TCAIM: variants seen among roughly 807,000 people sequenced by gnomAD.
TCAIM encodes T-cell activation inhibitor, mitochondrial.
Under a neutral mutation model 58.6 loss-of-function variants are expected in TCAIM, and 36 were observed. The observed-to-expected ratio is 0.61, with a 90% CI of 0.47 to 0.81. The LOEUF (loss-of-function observed/expected upper bound fraction) is 0.81. Among genes scored for constraint, TCAIM ranks in the 30% least tolerant of loss-of-function variants. The pLI is 0.00. For synonymous variants in TCAIM, 172 were observed against 193.6 expected (o/e 0.89, Z 0.93); for missense variants, 466 against 579.6 (o/e 0.80, Z 2.01).
At chr3:44,358,517 C>G in intron 3 of TCAIM, 1 of 453,196 alleles carries the variant, frequency 2.2e-6, no homozygotes, top group Admixed American at 4.4e-5. Flanking sequence ...TCATTATTCC[C>G]TGAACAACAC....
intron 6 of TCAIM, 117 bp from the exon 7 acceptor site, chr3:44,396,282 TG>T (rs1352392936): frequency 1.4e-6 from 1 of 726,970 alleles, no homozygotes; most frequent in Non-Finnish European, 2.2e-6. Context: ...AAACATGTTA[TG>T]TGTGTGCTTC....
At chr3:44,394,070 C>T (rs2125652544) in intron 6 of TCAIM, among the ~76,000 whole-genome samples, 1 of 152,216 alleles carries the variant, frequency 6.6e-6, no homozygotes, top group South Asian at 2.1e-4. Context: ...TTACTATTTG[C>T]AATAGCCTGT....
chr3:44,347,738 A>G (rs538185762), intron 1 of TCAIM, among the ~76,000 whole-genome samples: 2 of 152,312 alleles, frequency 1.3e-5, no homozygotes, highest in East Asian at 1.9e-4. Context: ...AACAGGCTTT[A>G]ATCCTTTTAA....
intron 10 of TCAIM, 91 bp downstream of exon 10, chr3:44,401,425 C>T (rs1702020507): frequency 1.0e-5 from 15 of 1,468,498 alleles, no homozygotes; most frequent in African/African-American, 1.4e-5. Flanking sequence ...GACCTGGAAA[C>T]AGTATGAAGC....
intron 5 of TCAIM, among the ~76,000 whole-genome samples, chr3:44,391,909 A>G (rs1281306106): frequency 2.6e-5 from 4 of 152,178 alleles, no homozygotes; most frequent in African/African-American, 9.7e-5. Flanking sequence ...CCCATCAGAT[A>G]TGTCTGTTGA....
At chr3:44,358,781 A>G in intron 3 of TCAIM, 1 of 985,488 alleles carries the variant, frequency 1.0e-6, no homozygotes, top group African/African-American at 1.7e-5. Flanking sequence ...TTCTATTTTC[A>G]TTAACACTGA....
rs1337995718 is a variant in TCAIM at position 44,361,515 on chromosome 3, TC to T, written c.318del (p.Gly107AspfsTer15). ...CGATGGCCAGGAACCTTTTAGTACT[TC>T]CGGTACGTTTTTTATTTCTGGTGTG... ...SSDGQEPFST[S>X]GFRAVKFTLH... On this transcript the variant is annotated frameshift_variant and splice_region_variant, in exon 4 of 11. Coordinates refer to ENST00000342649, the MANE Select transcript of TCAIM (RefSeq NM_173826.4). LOFTEE classifies it high-confidence loss of function. 2 of 1,588,388 alleles carry T rather than the reference TC, an allele frequency of 1.3e-6. No homozygotes were observed. The highest frequency in any genetic ancestry group is 1.7e-6 in the Non-Finnish European group (2 of 1,171,204).
intron 1 of TCAIM, among the ~76,000 whole-genome samples, chr3:44,348,972 C>T (rs922019154): frequency 3.3e-5 from 5 of 152,146 alleles, no homozygotes; most frequent in Admixed American, 6.5e-5. Context: ...AGTCACAGAA[C>T]GAAACTGTAA....
At chr3:44,394,909 AAAAAAAAAAAAAATATATATATAT>A (rs1701900648) in intron 6 of TCAIM, among the ~76,000 whole-genome samples, 4 of 52,324 alleles carry the variant, frequency 7.6e-5, no homozygotes, top group Admixed American at 6.8e-4. Context: ...AAAAAAAAAA[AAAAAAAAAAAAAATATATATATAT>A]ATATATATAT....
rs1185866791 is a variant in TCAIM at position 44,372,058 on chromosome 3, GA to G, written c.572+4352del. On this transcript the variant is annotated intron_variant, in intron 5 of 10. Transcript: ENST00000342649. ...GGAAGGAAGGAAGGAAGGAAGGAAG[GA>G]AGGAAGGAAGGAAGGAAGATACAGT... is the stretch of plus-strand genomic sequence containing the variant. Among the ~76,000 whole-genome samples the G allele has an allele frequency of 6.2e-3, 916 of 148,052 alleles. 9 individuals are homozygous for G. Among genetic ancestry groups the G allele is most frequent in the East Asian group, 0.018 (91 of 5,016 alleles).
chr3:44,372,784 TG>T (rs566985979), intron 5 of TCAIM, among the ~76,000 whole-genome samples: 288 of 152,070 alleles, frequency 1.9e-3, no homozygotes, highest in African/African-American at 6.5e-3. Context: ...TTAGTAGAGA[TG>T]GGGTTTCGCC....
intron 10 of TCAIM, among the ~76,000 whole-genome samples, chr3:44,405,951 CAA>C (rs10579882): frequency 0.027 from 3,076 of 112,992 alleles, 44 homozygotes; most frequent in Non-Finnish European, 0.037. Context: ...GACTCCATCT[CAA>C]AAAAAAAAAA....
intron 10 of TCAIM, among the ~76,000 whole-genome samples, chr3:44,401,539 A>G (rs1361288985): frequency 6.6e-6 from 1 of 152,256 alleles, no homozygotes; most frequent in Non-Finnish European, 1.5e-5. Flanking sequence ...TTCTTAATAT[A>G]AAAGTCAATT....
At chr3:44,378,256 C>G (rs1015443632) in intron 5 of TCAIM, among the ~76,000 whole-genome samples, 1 of 152,086 alleles carries the variant, frequency 6.6e-6, no homozygotes, top group South Asian at 2.1e-4. Context: ...TGGCACATGC[C>G]TGTAATCCCA....
chr3:44,405,217 G>C (rs1413853444), intron 10 of TCAIM, among the ~76,000 whole-genome samples: 4 of 152,114 alleles, frequency 2.6e-5, no homozygotes. Flanking sequence ...CCTAGCAGGG[G>C]CATTCCTCAC....
intron 5 of TCAIM, among the ~76,000 whole-genome samples, chr3:44,389,356 C>CA (rs1383100277): frequency 2.0e-5 from 3 of 152,128 alleles, no homozygotes; most frequent in Admixed American, 6.5e-5. Flanking sequence ...TTTTTAGAAA[C>CA]AAAACACAAA....
intron 6 of TCAIM, among the ~76,000 whole-genome samples, chr3:44,393,984 G>T (rs1701882528): frequency 6.6e-6 from 1 of 152,168 alleles, no homozygotes; most frequent in Non-Finnish European, 1.5e-5. Context: ...AAGGAGTCAG[G>T]TCATTCAGTC....
At chr3:44,386,441 C>T (rs1030343682) in intron 5 of TCAIM, among the ~76,000 whole-genome samples, 19 of 152,164 alleles carry the variant, frequency 1.2e-4, no homozygotes, top group Admixed American at 3.9e-4. Context: ...TGGGAACAGG[C>T]AGGAGCCCCA....
At chr3:44,378,600 A>G (rs1375389025) in intron 5 of TCAIM, among the ~76,000 whole-genome samples, 1 of 151,280 alleles carries the variant, frequency 6.6e-6, no homozygotes, top group East Asian at 2.0e-4. Flanking sequence ...GGCGAATCAA[A>G]GGCTGTTCAA....
Sources: allele counts gnomAD v4.1 joint callset (sites outside exome capture counted in the v4.1 genomes callset), GRCh38; gene constraint gnomAD v4.1.1; transcripts MANE v1.5; gene names NCBI Gene and HGNC (gene_info 2026-07-23, HGNC 2026-07-21).